PPP1R1C: variants seen among roughly 807,000 people sequenced by gnomAD.
PPP1R1C encodes the protein protein phosphatase 1 regulatory inhibitor subunit 1C.
Under a neutral mutation model 17.4 loss-of-function variants are expected in PPP1R1C, and 15 were observed. That is an observed-to-expected ratio of 0.86 (90% CI 0.58 to 1.33). PPP1R1C has a LOEUF of 1.33. PPP1R1C is among the 40% of genes most tolerant of loss of function. PPP1R1C has a pLI of 0.00. For synonymous variants in PPP1R1C, 35 were observed against 43.1 expected (o/e 0.81, Z 0.73); for missense variants, 143 against 130.0 (o/e 1.10, Z -0.48).
chr2:181,991,508 GAA>G (rs1282215912), intron 2 of PPP1R1C, among the ~76,000 whole-genome samples: 1 of 152,158 alleles, frequency 6.6e-6, no homozygotes, highest in Non-Finnish European at 1.5e-5. Flanking sequence ...ATGAGTCAGG[GAA>G]AGTTTAGTAA....
At chr2:181,956,025 C>T (rs533355313) in intron 1 of PPP1R1C, among the ~76,000 whole-genome samples, 1 of 152,244 alleles carries the variant, frequency 6.6e-6, no homozygotes, top group Admixed American at 6.5e-5. Flanking sequence ...TGCTATCCCT[C>T]CCCTATCTCC....
intron 4 of PPP1R1C, among the ~76,000 whole-genome samples, chr2:182,086,285 A>C (rs1688626338): frequency 1.3e-5 from 2 of 152,150 alleles, no homozygotes; most frequent in Admixed American, 6.5e-5. Flanking sequence ...TTATAGAAAA[A>C]TGATTGTGTT....
intron 1 of PPP1R1C, among the ~76,000 whole-genome samples, chr2:181,959,798 C>T (rs926151019): frequency 6.6e-6 from 1 of 152,146 alleles, no homozygotes; most frequent in Non-Finnish European, 1.5e-5. Context: ...TATGCCTGTC[C>T]TCCAGTATCA....
intron 2 of PPP1R1C, among the ~76,000 whole-genome samples, chr2:181,978,446 T>C (rs1685136664): frequency 6.6e-6 from 1 of 152,124 alleles, no homozygotes; most frequent in Non-Finnish European, 1.5e-5. Flanking sequence ...GGAGATGACT[T>C]GAATAGCTAG....
At chr2:182,045,440 C>CAAA (rs11360325) in intron 2 of PPP1R1C, among the ~76,000 whole-genome samples, 1 of 146,974 alleles carries the variant, frequency 6.8e-6, no homozygotes, top group Admixed American at 6.8e-5. Flanking sequence ...CTGTTAGTAA[C>CAAA]AAAAAAAAAA....
intron 3 of PPP1R1C, among the ~76,000 whole-genome samples, chr2:182,061,716 A>G (rs1462727533): frequency 6.6e-6 from 1 of 152,162 alleles, no homozygotes; most frequent in Admixed American, 6.6e-5. Flanking sequence ...CATCACTTTT[A>G]ATGGCAAAAT....
intron 2 of PPP1R1C, among the ~76,000 whole-genome samples, chr2:182,038,989 A>T (rs1344988114): frequency 2.6e-5 from 4 of 152,214 alleles, no homozygotes; most frequent in African/African-American, 2.4e-5. Context: ...GTAAGCTGTT[A>T]TTGAAAGTCT....
chr2:181,985,888 G>A lies in PPP1R1C; in HGVS notation c.-223G>A. On this transcript the variant is annotated 5_prime_UTR_variant, in exon 1 of 5. Transcript: ENST00000682840. The surrounding 1 kb of genome is among the most constrained non-coding windows in gnomAD (Gnocchi z 4.1). ...TCTGTATTGTGCTGAGAGGATCCAA[G>A]GGATTGGTGGGGGAACAGGCAAGCC... 1.7e-6 allele frequency: 1 copy of A among 592,628 alleles called. No homozygotes were observed. Among genetic ancestry groups the A allele is most frequent in the South Asian group, 2.0e-5 (1 of 49,652 alleles). The allele number at this position is 592,628 out of a possible 1,614,324, so 36.7% of individuals were successfully genotyped here. A position where few individuals can be genotyped will look rare whatever the true frequency, so the allele number is the denominator to read the frequency against.
chr2:182,057,675 C>T (rs1347253701), intron 2 of PPP1R1C, among the ~76,000 whole-genome samples: 1 of 152,148 alleles, frequency 6.6e-6, no homozygotes, highest in African/African-American at 2.4e-5. Context: ...TCAACAACTT[C>T]AACTAAACTT....
At chr2:181,974,996 C>T (rs776228162) in intron 1 of PPP1R1C, among the ~76,000 whole-genome samples, 3 of 152,144 alleles carry the variant, frequency 2.0e-5, no homozygotes, top group Non-Finnish European at 2.9e-5. Flanking sequence ...AAGGAGTCCA[C>T]TAAAATTCTG....
chr2:181,987,358 G>A (rs2125139714), intron 1 of PPP1R1C, among the ~76,000 whole-genome samples: 1 of 151,704 alleles, frequency 6.6e-6, no homozygotes, highest in Non-Finnish European at 1.5e-5. Context: ...TATTATACTA[G>A]AAAATAAAAA....
At chr2:181,998,072 T>C (rs573579114) in intron 2 of PPP1R1C, among the ~76,000 whole-genome samples, 1 of 152,356 alleles carries the variant, frequency 6.6e-6, no homozygotes, top group South Asian at 2.1e-4. Flanking sequence ...TAGTTTTCTT[T>C]GACTTTGACA....
At chr2:181,965,802 A>G (rs528222788) in intron 1 of PPP1R1C, among the ~76,000 whole-genome samples, 5 of 152,278 alleles carry the variant, frequency 3.3e-5, no homozygotes, top group African/African-American at 9.6e-5. Context: ...TGGTGGTTCC[A>G]TATAAATTTT....
intron 2 of PPP1R1C, among the ~76,000 whole-genome samples, chr2:182,048,028 T>C (rs1195234496): frequency 6.6e-6 from 1 of 152,118 alleles, no homozygotes; most frequent in Non-Finnish European, 1.5e-5. Flanking sequence ...TTTAGGGGGT[T>C]CAGAGAGATA....
In PPP1R1C at chr2:182,093,024, C is replaced by T. The variant is rs770459680; in HGVS notation, c.242-24183C>T. ...GGACTCTTTGTGGGGGCTTTGACCCCACATTTCCCCTCTGCACTGCCGCAG... is the reference window on the plus strand; with the variant it reads ...GGACTCTTTGTGGGGGCTTTGACCCTACATTTCCCCTCTGCACTGCCGCAG... On this transcript the variant is annotated intron_variant, in intron 4 of 4. Coordinates refer to ENST00000682840, the MANE Select transcript of PPP1R1C (RefSeq NM_001080545.3). Among the ~76,000 whole-genome samples the T allele has an allele frequency of 3.2e-4, 49 of 152,326 alleles. 1 individual carries two copies. Among genetic ancestry groups the T allele is most frequent in the Non-Finnish European group, 5.6e-4 (38 of 68,026 alleles).
chr2:182,053,652 CTGTTT>C (rs966180433), intron 2 of PPP1R1C, among the ~76,000 whole-genome samples: 1 of 152,072 alleles, frequency 6.6e-6, no homozygotes, highest in African/African-American at 2.4e-5. Context: ...TTCTTGGCAT[CTGTTT>C]TATTTATAAT....
At chr2:182,060,317 T>C (rs1687813494) in intron 2 of PPP1R1C, among the ~76,000 whole-genome samples, 1 of 152,126 alleles carries the variant, frequency 6.6e-6, no homozygotes, top group East Asian at 1.9e-4. Flanking sequence ...ACTTCAGGCA[T>C]GGTTGGATTT....
chr2:181,990,427 G>A (rs1685444382), intron 2 of PPP1R1C, among the ~76,000 whole-genome samples: 1 of 152,122 alleles, frequency 6.6e-6, no homozygotes, highest in Non-Finnish European at 1.5e-5. Context: ...ACAGGCCTGA[G>A]CCACAGCGCC....
At chr2:182,077,909 G>T (rs901272301) in intron 4 of PPP1R1C, among the ~76,000 whole-genome samples, 1 of 152,234 alleles carries the variant, frequency 6.6e-6, no homozygotes, top group Non-Finnish European at 1.5e-5. Context: ...TGCCGGGCGT[G>T]GTGGCTCACG....
Sources: allele counts gnomAD v4.1 joint callset (sites outside exome capture counted in the v4.1 genomes callset), GRCh38; gene constraint gnomAD v4.1.1; non-coding constraint Gnocchi (gnomAD v3.1); transcripts MANE v1.5; gene names NCBI Gene and HGNC (gene_info 2026-07-23, HGNC 2026-07-21).